Variants in LGALS9 observed in about 807,000 individuals in gnomAD.
LGALS9 encodes the protein galectin-9.
A neutral mutation model predicts 35.9 loss-of-function variants in LGALS9; 26 were observed. That is an observed-to-expected ratio of 0.72 (90% confidence interval 0.53 to 1.01). LGALS9 has a LOEUF of 1.01. Ranked by LOEUF, LGALS9 falls within the 50% of genes least tolerant of loss-of-function variation. The pLI, the probability that LGALS9 is intolerant of heterozygous loss-of-function variation, is 0.00. For missense variants in LGALS9, 347 were observed against 445.8 expected (o/e 0.78, Z 1.99); for synonymous variants, 149 against 172.2 (o/e 0.87, Z 1.06).
At chr17:27,642,099 A>C in intron 3 of LGALS9, 139 bp from the exon 4 acceptor site, 1 of 1,497,070 alleles carries the variant, frequency 6.7e-7, no homozygotes, top group Non-Finnish European at 9.0e-7. Flanking sequence ...TTTGGGTCAC[A>C]CACACGTTCC....
At chr17:27,634,825 G>T (rs1189299197) in intron 1 of LGALS9, among the ~76,000 whole-genome samples, 1 of 152,054 alleles carries the variant, frequency 6.6e-6, no homozygotes, top group Non-Finnish European at 1.5e-5. Context: ...TGTTTCTGGG[G>T]GGTGGCCCAC....
chr17:27,631,388 C>T, intron 1 of LGALS9, 84 bp downstream of exon 1: 2 of 1,580,546 alleles, frequency 1.3e-6, no homozygotes, highest in Non-Finnish European at 1.7e-6. Flanking sequence ...TCCTGGGTGG[C>T]AGGGGATGGG....
At chr17:27,632,067 C>T (rs540979285) in intron 1 of LGALS9, among the ~76,000 whole-genome samples, 7 of 152,106 alleles carry the variant, frequency 4.6e-5, no homozygotes, top group East Asian at 1.9e-4. Flanking sequence ...CCTTCATACA[C>T]GGAAAATCTG....
chr17:27,645,997 A>C (rs1313504097), intron 7 of LGALS9, 86 bp downstream of exon 7: 3 of 1,596,750 alleles, frequency 1.9e-6, no homozygotes, highest in Non-Finnish European at 2.6e-6. Context: ...TAGAGTCGGG[A>C]AGAAAGCGGT....
In LGALS9 at chr17:27,643,024, A is replaced by G. The variant is rs116007058; in HGVS notation, c.445-501A>G. On this transcript the variant is annotated intron_variant, in intron 4 of 10. Coordinates refer to ENST00000395473, the MANE Select transcript of LGALS9 (RefSeq NM_009587.3). ...TAGAGTTCTGTCTGGGCAAAACAGC[A>G]AGACCCTGTCTCCAAAAAACTTTGT... Among the ~76,000 whole-genome samples, 677 of 152,360 alleles carry G rather than the reference A, an allele frequency of 4.4e-3. 3 individuals carry two copies. Among genetic ancestry groups the G allele is most frequent in the African/African-American group, 0.016 (662 of 41,574 alleles).
chr17:27,633,936 G>A (rs2074416757), intron 1 of LGALS9, among the ~76,000 whole-genome samples: 1 of 152,228 alleles, frequency 6.6e-6, no homozygotes, highest in Non-Finnish European at 1.5e-5. Flanking sequence ...ACAGAGCTGG[G>A]AGGCAAGCCC....
chr17:27,633,086 T>C (rs1183133005), intron 1 of LGALS9, among the ~76,000 whole-genome samples: 1 of 152,152 alleles, frequency 6.6e-6, no homozygotes, highest in Non-Finnish European at 1.5e-5. Flanking sequence ...GAGCCAGGAA[T>C]AAGGATGTTC....
intron 1 of LGALS9, among the ~76,000 whole-genome samples, chr17:27,634,319 C>G (rs2074420269): frequency 6.6e-6 from 1 of 152,160 alleles, no homozygotes; most frequent in African/African-American, 2.4e-5. Context: ...GAAGCCGAGG[C>G]AGGAGGATCT....
At chr17:27,639,737 T>TTAG (rs1904335411) in intron 2 of LGALS9, among the ~76,000 whole-genome samples, 1 of 151,740 alleles carries the variant, frequency 6.6e-6, no homozygotes, top group Non-Finnish European at 1.5e-5. Flanking sequence ...GCCCAGCTAA[T>TTAG]TATTATTATT....
chr17:27,642,405 C>A, intron 4 of LGALS9, 57 bp downstream of exon 4: 1 of 1,610,416 alleles, frequency 6.2e-7, no homozygotes, highest in South Asian at 1.1e-5. Flanking sequence ...CCCAGCGTAG[C>A]TGTGTCTAAG....
Position 27,642,549 on chromosome 17 carries a change from G to A in LGALS9, c.444+201G>A, listed in dbSNP as rs192516273. The A allele has an allele frequency of 4.0e-3, 4,554 of 1,140,264 alleles. 66 individuals are homozygous for A. The highest frequency in any genetic ancestry group is 4.9e-3 in the Non-Finnish European group (4,002 of 820,882). The allele number at this position is 1,140,264 out of a possible 1,614,324, so 70.6% of individuals were successfully genotyped here. On this transcript the variant is annotated intron_variant, in intron 4 of 10. Transcript: ENST00000395473. ...TCCTTCTGTGTTACTGTCTCTGTCC[G>A]GAACACCTGCCTTGGTCTCCCAGAC...
In LGALS9 at chr17:27,647,689, GT is replaced by G. The variant is rs1905051397; in HGVS notation, c.921+258del. ...GCTTGTGGTCACACAGTCAGTAAGTGTCAAATCAGACCCAAGAAGGAGGTGT... is the reference window on the plus strand; with the variant it reads ...GCTTGTGGTCACACAGTCAGTAAGTGCAAATCAGACCCAAGAAGGAGGTGT... On this transcript the variant is annotated intron_variant, in intron 10 of 10. Coordinates refer to ENST00000395473, the MANE Select transcript of LGALS9 (RefSeq NM_009587.3). 2.6e-5 allele frequency among the ~76,000 whole-genome samples: 4 copies of G among 152,238 alleles called. No homozygotes were observed. The South Asian group carries it at 8.3e-4, about 31-fold the overall frequency.
chr17:27,643,676 G>T, intron 5 of LGALS9, 56 bp downstream of exon 5: 8 of 1,529,532 alleles, frequency 5.2e-6, no homozygotes, highest in Non-Finnish European at 5.3e-6. Context: ...AGGACCGAGG[G>T]TCTGAGAGGC....
intron 6 of LGALS9, 73 bp from the exon 7 acceptor site, chr17:27,645,788 G>A (rs959123950): frequency 1.6e-5 from 21 of 1,276,398 alleles, no homozygotes; most frequent in South Asian, 1.3e-5. Flanking sequence ...TGCCTGCCGT[G>A]TGGCGCCCTC....
At chr17:27,640,459 C>T in intron 2 of LGALS9, 113 bp from the exon 3 acceptor site, 1 of 1,465,112 alleles carries the variant, frequency 6.8e-7, no homozygotes, top group Non-Finnish European at 9.5e-7. Context: ...CTCTGCCATA[C>T]AGGTTGTGTG....
chr17:27,643,131 T>G (rs1904647178), intron 4 of LGALS9, among the ~76,000 whole-genome samples: 1 of 152,234 alleles, frequency 6.6e-6, no homozygotes, highest in African/African-American at 2.4e-5. Context: ...GATTAGGGTA[T>G]GCTGGGCCCA....
intron 2 of LGALS9, chr17:27,640,346 A>G (rs1696909679): frequency 1.4e-5 from 9 of 654,918 alleles, no homozygotes; most frequent in East Asian, 2.9e-5. Context: ...ACCGTTTTCT[A>G]TTTGCTTTTA....
At position 27,643,650 on chromosome 17, in the gene LGALS9, C is replaced by T. The variant is rs752945617; in HGVS notation, c.540+30C>T. The T allele has an allele frequency of 3.9e-5, 62 of 1,580,942 alleles. No homozygotes were observed. In the Middle Eastern group the frequency reaches 7.0e-4, roughly 18 times the overall value. On this transcript the variant is annotated intron_variant, in intron 5 of 10. Coordinates refer to ENST00000395473, the MANE Select transcript of LGALS9 (RefSeq NM_009587.3). ...GTTCAACACAGAGGCCCTGGGTGGC[C>T]GAGCAGACAGTAGGAAGGACCGAGG...
chr17:27,636,886 A>G (rs1391977875), intron 1 of LGALS9, among the ~76,000 whole-genome samples: 2 of 152,276 alleles, frequency 1.3e-5, no homozygotes, highest in Non-Finnish European at 2.9e-5. Flanking sequence ...AGCTCTGCCA[A>G]TACTGGGCCC....
Sources: allele counts gnomAD v4.1 joint callset (sites outside exome capture counted in the v4.1 genomes callset), GRCh38; gene constraint gnomAD v4.1.1; transcripts MANE v1.5; gene names NCBI Gene and HGNC (gene_info 2026-07-23, HGNC 2026-07-21).